The following EPHB4 variants were observed in gnomAD, a reference collection of about 807,000 sequenced individuals.
EPHB4 encodes the protein EPH receptor B4, also known as ephrin type-B receptor 4.
A neutral mutation model predicts 110.6 loss-of-function variants in EPHB4; 50 were observed. That is an observed-to-expected ratio of 0.45 (90% confidence interval 0.36 to 0.57). The LOEUF (loss-of-function observed/expected upper bound fraction) is 0.57, where lower values mean the gene tolerates loss of function less well. Among genes scored for constraint, EPHB4 ranks in the 20% least tolerant of loss-of-function variants. The pLI is 0.00. For synonymous variants in EPHB4, 592 were observed against 578.4 expected (o/e 1.02, Z -0.34); for missense variants, 1,128 against 1,382.1 (o/e 0.82, Z 2.91).
intron 14 of EPHB4, chr7:100,805,896 T>C (rs1467279134): frequency 1.5e-5 from 7 of 462,136 alleles, no homozygotes; most frequent in Non-Finnish European, 2.6e-5. Context: ...GATACAGACA[T>C]GTTACCTCTC....
chr7:100,806,537 CG>C lies in EPHB4; in HGVS notation c.2366del (p.Pro789ArgfsTer21). On this transcript the variant is annotated frameshift_variant, in exon 14 of 17. Transcript: ENST00000358173. LOFTEE classifies it high-confidence loss of function. ...TGAACTTCCGGAAGGCAATGGCCTC[CG>C]GGGCAGTCCATCGGATGGGAATCTT... Reference protein sequence around the residue: ...GGKIPIRWTAPEAIAFRKFTS... With the variant: ...GGKIPIRWTAXEAIAFRKFTS... The C allele has an allele frequency of 1.2e-6, 2 of 1,614,024 alleles. No homozygotes were observed. Among genetic ancestry groups the C allele is most frequent in the Non-Finnish European group, 1.7e-6 (2 of 1,179,990 alleles).
rs891838296 is a variant in EPHB4 at position 100,822,652 on chromosome 7, C to T, written c.427G>A (p.Ala143Thr). The change falls in exon 4 of 17, where the codon GCG (alanine) becomes ACG (threonine). Residue 143 changes from alanine to threonine, a missense_variant. Ala to Thr is a moderately conservative substitution (Grantham distance 58). Transcript: ENST00000358173. The surrounding 1 kb of genome is among the most constrained non-coding windows in gnomAD (Gnocchi z 4.7). ...NPYIKVDTVAAEHLTRKRPGA... is the reference protein window; with the variant it reads ...NPYIKVDTVATEHLTRKRPGA... ...GGGCGCTTCCGGGTGAGATGCTCCG[C>T]GGCCACCGTGTCCACCTGCCGGCGG... The T allele has an allele frequency of 6.3e-6, 10 of 1,578,802 alleles. No homozygotes were observed. The highest frequency in any genetic ancestry group is 2.3e-5 in the South Asian group (2 of 87,736).
chr7:100,822,961 G>C lies in EPHB4; in HGVS notation c.412-294C>G, dbSNP rs73413170. On this transcript the variant is annotated intron_variant, in intron 3 of 16. Coordinates refer to ENST00000358173, the MANE Select transcript of EPHB4 (RefSeq NM_004444.5). The surrounding 1 kb of genome is among the most constrained non-coding windows in gnomAD (Gnocchi z 4.7). ...CAGGCCTTGACCTCAGAGTCAAGGA[G>C]ACAGCGATGAATGAATCCTGGGGAA... Among the ~76,000 whole-genome samples the C allele has an allele frequency of 6.6e-6, 1 of 152,102 alleles. No homozygotes were observed. Among genetic ancestry groups the C allele is most frequent in the East Asian group, 1.9e-4 (1 of 5,180 alleles).
In EPHB4 at chr7:100,813,217, T is replaced by C; in HGVS notation, c.1757-9A>G. On this transcript the variant is annotated splice_polypyrimidine_tract_variant and intron_variant, in intron 10 of 16. Coordinates refer to ENST00000358173, the MANE Select transcript of EPHB4 (RefSeq NM_004444.5). ...GATGTAGACCTTAGTACCTGAGAAA[T>C]CAGGCAGGGCCCCGTCAGCTGGGAA... 6.3e-7 allele frequency: 1 copy of C among 1,598,066 alleles called. No homozygotes were observed. Among genetic ancestry groups the C allele is most frequent in the South Asian group, 1.1e-5 (1 of 90,900 alleles).
chr7:100,826,004 GGA>G (rs1813379622), intron 1 of EPHB4, among the ~76,000 whole-genome samples: 1 of 152,204 alleles, frequency 6.6e-6, no homozygotes, highest in African/African-American at 2.4e-5. Flanking sequence ...CCAGCCAGGG[GGA>G]GAGGGTTTTT....
rs1562965836 is a variant in EPHB4, at chr7:100,803,275, T to TG, written c.*185dup. On this transcript the variant is annotated 3_prime_UTR_variant, in exon 17 of 17. Coordinates refer to ENST00000358173, the MANE Select transcript of EPHB4 (RefSeq NM_004444.5). ...TTGGTCTGGAGTTCCCCGAGGTGGC[T>TG]GGGGGGTGATTTTCCCCTCCTATTA... is the stretch of plus-strand genomic sequence containing the variant. 3.0e-6 allele frequency: 2 copies of TG among 664,402 alleles called. No individual in the cohort carries two copies. The highest frequency in any genetic ancestry group is 2.3e-6 in the Non-Finnish European group (1 of 441,530). The allele number at this position is 664,402 out of a possible 1,614,324, so 41.2% of individuals were successfully genotyped here. A position where few individuals can be genotyped will look rare whatever the true frequency, so the allele number is the denominator to read the frequency against.
At position 100,826,964 on chromosome 7, in the gene EPHB4, C is replaced by CT. The variant is rs200488259; in HGVS notation, c.52+14_52+15insA. On this transcript the variant is annotated intron_variant, in intron 1 of 16. Transcript: ENST00000358173. ...AGGAGTGACGGGGTGCGCCCCCCCC[C>CT]GCAAGGAAACTCACCTTCCAAAGCT... The CT allele has an allele frequency of 6.9e-6, 10 of 1,441,856 alleles. No homozygotes were observed. In the East Asian group the frequency reaches 8.1e-5, roughly 12 times the overall value. The allele number at this position is 1,441,856 out of a possible 1,614,324, so 89.3% of individuals were successfully genotyped here.
chr7:100,811,278 TA>T lies in EPHB4; in HGVS notation c.2118+1468del, dbSNP rs5886141. 7.1e-3 allele frequency among the ~76,000 whole-genome samples: 987 copies of T among 139,240 alleles called. 6 individuals carry two copies. Among genetic ancestry groups the T allele is most frequent in the African/African-American group, 0.016 (614 of 37,340 alleles). The allele number at this position is 139,240 out of a possible 152,430, so 91.3% of individuals were successfully genotyped here. A position where few individuals can be genotyped will look rare whatever the true frequency, so the allele number is the denominator to read the frequency against. On this transcript the variant is annotated intron_variant, in intron 12 of 16. Coordinates refer to ENST00000358173, the MANE Select transcript of EPHB4 (RefSeq NM_004444.5). ...AGAAAAAAGAAAAGCTTAATAAAGT[TA>T]AAAAAAAAAAAAAAGTCAGTAAAAT...
chr7:100,820,482 A>C lies in EPHB4; in HGVS notation c.809-186T>G, dbSNP rs996355004. The C allele has an allele frequency of 1.1e-5, 6 of 559,598 alleles. No individual in the cohort carries two copies. In the East Asian group the frequency reaches 1.4e-4, roughly 13 times the overall value. The allele number at this position is 559,598 out of a possible 1,614,324, so 34.7% of individuals were successfully genotyped here. A position where few individuals can be genotyped will look rare whatever the true frequency, so the allele number is the denominator to read the frequency against. Reference sequence around the variant, plus strand: ...CCCATCTCCAAAAAAAAAAAAAAAAATTCCAGCTTCTTTTAAGGCTGATGA... The same window carrying C: ...CCCATCTCCAAAAAAAAAAAAAAAACTTCCAGCTTCTTTTAAGGCTGATGA... On this transcript the variant is annotated intron_variant, in intron 4 of 16. Transcript: ENST00000358173.
rs567264878 is a variant in EPHB4 at position 100,805,192 on chromosome 7, G to A, written c.2808C>T (p.Phe936=). ...CAGCAGAGATCTGGCTGACCAGCTC[G>A]AAGGAGCCAAAGCCAGCGGCTGCGA... The part of the protein sequence containing the change: ...ESFAAAGFGS[F]ELVSQISAED... Residue 936 remains phenylalanine, a synonymous_variant, in exon 16 of 17, where the codon TTC becomes TTT. Transcript: ENST00000358173. The A allele has an allele frequency of 5.9e-5, 95 of 1,613,112 alleles. No individual in the cohort carries two copies. The highest frequency in any genetic ancestry group is 7.2e-5 in the Non-Finnish European group (85 of 1,179,634).
intron 7 of EPHB4, 125 bp downstream of exon 7, chr7:100,818,395 G>T: frequency 7.0e-7 from 1 of 1,437,640 alleles, no homozygotes; most frequent in Non-Finnish European, 9.4e-7. Context: ...CTTACCCAAG[G>T]CTGCCCAGGG....
At chr7:100,810,998 C>A (rs999059427) in intron 12 of EPHB4, among the ~76,000 whole-genome samples, 2 of 151,698 alleles carry the variant, frequency 1.3e-5, no homozygotes, top group Non-Finnish European at 2.9e-5. Flanking sequence ...GCCTGTAATC[C>A]CAGCACTTTG....
intron 13 of EPHB4, among the ~76,000 whole-genome samples, chr7:100,806,791 C>T (rs1812827071): frequency 6.6e-6 from 1 of 152,188 alleles, no homozygotes; most frequent in Non-Finnish European, 1.5e-5. Context: ...CTACCTCAGC[C>T]TCCTGAGTAG....
rs564917113 is a variant in EPHB4, at chr7:100,806,641, C to CA, written c.2335-73dup. ...TCACCAGACCCAGCACACTGCCCCC[C>CA]AGTCCCCCACCTGCCTCTGCTTTTT... On this transcript the variant is annotated intron_variant, in intron 13 of 16. Transcript: ENST00000358173. 400 of 1,518,040 alleles carry CA rather than the reference C, an allele frequency of 2.6e-4. 1 individual carries two copies. In the African/African-American group the frequency reaches 4.6e-3, roughly 18 times the overall value. 94.0% of individuals were successfully genotyped at this position (1,518,040 alleles called of 1,614,324 possible).
At chr7:100,823,206 GGAGA>G (rs767989637) in intron 3 of EPHB4, among the ~76,000 whole-genome samples, 15 of 152,168 alleles carry the variant, frequency 9.9e-5, no homozygotes, top group Non-Finnish European at 2.1e-4. Context: ...ATTGTAGGGA[GGAGA>G]GAGTCAGCCA....
At chr7:100,813,327 T>TC in intron 10 of EPHB4, 119 bp from the exon 11 acceptor site, 3 of 825,186 alleles carry the variant, frequency 3.6e-6, no homozygotes, top group Non-Finnish European at 5.5e-6. Context: ...TTTTTTTTTT[T>TC]TTCCTGAGAT....
chr7:100,812,686 AGT>A, intron 12 of EPHB4, 59 bp downstream of exon 12: 1 of 1,566,634 alleles, frequency 6.4e-7, no homozygotes, highest in Non-Finnish European at 8.6e-7. Context: ...TCTTAACCCA[AGT>A]GGCCTCTGGG....
In EPHB4 at chr7:100,827,482, C is replaced by CGGGCG. The variant is rs1319309375; in HGVS notation, c.-457_-453dup. The CGGGCG allele has an allele frequency of 2.3e-4, 35 of 150,156 alleles. No homozygotes were observed. The highest frequency in any genetic ancestry group is 4.6e-4 in the Non-Finnish European group (31 of 67,320). 9.3% of individuals were successfully genotyped at this position (150,156 alleles called of 1,614,324 possible). Reference sequence around the variant, plus strand: ...AGGGAGGGAGACTGCGGCGCGGAGCCGGGCGGGCCGGGCCGGGCAGGGGCT... The same window carrying CGGGCG: ...AGGGAGGGAGACTGCGGCGCGGAGCCGGGCGGGGCGGGCCGGGCCGGGCAGGGGCT... On this transcript the variant is annotated 5_prime_UTR_variant, in exon 1 of 17. Coordinates refer to ENST00000358173, the MANE Select transcript of EPHB4 (RefSeq NM_004444.5).
At chr7:100,817,097 A>G in intron 8 of EPHB4, 95 bp downstream of exon 8, 2 of 1,272,424 alleles carry the variant, frequency 1.6e-6, no homozygotes, top group Non-Finnish European at 1.0e-6. Flanking sequence ...AAAAAAAAAA[A>G]AAAAAAAGAT....
Sources: gnomAD v4.1 joint callset for allele counts (sites outside exome capture counted in the v4.1 genomes callset) on GRCh38, gnomAD v4.1.1 for gene constraint, Gnocchi (gnomAD v3.1) non-coding constraint, MANE v1.5 for transcripts, NCBI Gene and HGNC (gene_info 2026-07-23, HGNC 2026-07-21) for gene names.